The following CHM variants were observed in gnomAD, a reference collection of about 807,000 sequenced individuals.
CHM encodes the protein CHM Rab escort protein.
A neutral mutation model predicts 49.0 loss-of-function variants in CHM; 10 were observed. The observed-to-expected ratio is 0.20, with a 90% CI of 0.13 to 0.35. CHM has a LOEUF of 0.35. CHM is among the 10% of genes least tolerant of loss of function. CHM has a pLI of 1.00. For missense variants in CHM, 455 were observed against 478.4 expected (o/e 0.95, Z 0.46); for synonymous variants, 184 against 167.5 (o/e 1.10, Z -0.76).
At chrX:86,026,123 T>C (rs867332119) in intron 2 of CHM, among the ~76,000 whole-genome samples, 2 of 66,575 alleles carry the variant, frequency 3.0e-5, no homozygotes, top group African/African-American at 1.4e-4. Context: ...TTTTTTTTTT[T>C]TTTTTTTTTT....
At chrX:86,020,694 T>A (rs1214615898) in intron 2 of CHM, among the ~76,000 whole-genome samples, 1 of 99,364 alleles carries the variant, frequency 1.0e-5, no homozygotes. Context: ...ATACATCTGA[T>A]ATATACATCT....
chrX:85,964,031 G>A lies in CHM; in HGVS notation c.336C>T (p.Val112=), dbSNP rs754389594. Residue 112 remains valine, a synonymous_variant, in exon 5 of 15, where the codon GTC becomes GTT. Transcript: ENST00000357749. The part of the protein sequence containing the change: ...CYASQDLHED[V]EEAGALQKNH... ...TTTTCTGCAGTGCACCAGCTTCTTCGACATCTTCATGCAAATCCTGACTAA... is the reference window on the plus strand; with the variant it reads ...TTTTCTGCAGTGCACCAGCTTCTTCAACATCTTCATGCAAATCCTGACTAA... 8.3e-6 allele frequency: 10 copies of A among 1,206,372 alleles called. No individual in the cohort carries two copies. The highest frequency in any genetic ancestry group is 5.9e-5 in the East Asian group (2 of 33,732).
Position 85,878,960 on chromosome X carries a change from C to T in CHM, c.1609+5G>A. 8.9e-7 allele frequency: 1 copy of T among 1,120,388 alleles called. No individual in the cohort carries two copies. Among genetic ancestry groups the T allele is most frequent in the Non-Finnish European group, 1.2e-6 (1 of 815,448 alleles). 92.3% of individuals were successfully genotyped at this position (1,120,388 alleles called of 1,213,427 possible). On this transcript the variant is annotated splice_donor_5th_base_variant and intron_variant, in intron 13 of 14. Transcript: ENST00000357749. ...CCATCATGAGTTATCAATTATTTTTCTTACCTATCTCCATTTCAGTATATG... is the reference window on the plus strand; with the variant it reads ...CCATCATGAGTTATCAATTATTTTTTTTACCTATCTCCATTTCAGTATATG...
chrX:85,879,183 T>G (rs369183085), intron 12 of CHM, 120 bp from the exon 13 acceptor site: 3 of 516,615 alleles, frequency 5.8e-6, no homozygotes. Context: ...GTTACAACAT[T>G]TGTTAACTAA....
chrX:85,930,075 C>A (rs1458795314), intron 8 of CHM, among the ~76,000 whole-genome samples: 1 of 110,269 alleles, frequency 9.1e-6, no homozygotes, highest in East Asian at 2.8e-4. Context: ...GCACTCCAGC[C>A]TGGGCGACAG....
intron 1 of CHM, among the ~76,000 whole-genome samples, chrX:86,039,410 T>A (rs1310083388): frequency 1.9e-5 from 2 of 104,968 alleles, no homozygotes; most frequent in African/African-American, 7.1e-5. Context: ...CAAAGTCAGA[T>A]CACAGAAACA....
intron 1 of CHM, among the ~76,000 whole-genome samples, chrX:86,043,944 G>C (rs1191980787): frequency 1.8e-5 from 2 of 111,460 alleles, no homozygotes; most frequent in Non-Finnish European, 3.8e-5. Flanking sequence ...CTATGCAGTA[G>C]AAAAATTAAG....
At chrX:85,933,228 T>C (rs760376200) in intron 8 of CHM, among the ~76,000 whole-genome samples, 3 of 110,561 alleles carry the variant, frequency 2.7e-5, no homozygotes, top group Non-Finnish European at 5.7e-5. Flanking sequence ...AAAAATAAAA[T>C]AAAATAAATA....
intron 4 of CHM, among the ~76,000 whole-genome samples, chrX:85,974,386 A>G (rs1373510905): frequency 3.6e-5 from 4 of 112,051 alleles, no homozygotes; most frequent in Admixed American, 9.5e-5. Flanking sequence ...TTAGACATAG[A>G]CAAGCTTATT....
Position 85,942,755 on chromosome X carries a change from CTT to C in CHM, c.1166+13396_1166+13397del, listed in dbSNP as rs71686003. Among the ~76,000 whole-genome samples the C allele has an allele frequency of 9.1e-3, 924 of 101,729 alleles. 14 individuals are homozygous for C. The highest frequency in any genetic ancestry group is 0.031 in the African/African-American group (874 of 28,116). The allele number at this position is 101,729 out of a possible 115,157, so 88.3% of individuals were successfully genotyped here. ...GGGACATGAAACAGGTCAATGTTTT[CTT>C]TTTTTTTTTTATATATATATACTTT... On this transcript the variant is annotated intron_variant, in intron 8 of 14. Transcript: ENST00000357749.
At chrX:85,952,549 A>AAT (rs1321786570) in intron 8 of CHM, among the ~76,000 whole-genome samples, 1 of 112,121 alleles carries the variant, frequency 8.9e-6, no homozygotes, top group Non-Finnish European at 1.9e-5. Context: ...TTGGCTACAA[A>AAT]ATAATCAACA....
intron 1 of CHM, among the ~76,000 whole-genome samples, chrX:86,046,890 G>A (rs1160845171): frequency 1.8e-5 from 2 of 111,406 alleles, no homozygotes; most frequent in African/African-American, 6.5e-5. Context: ...CATAAAGCAG[G>A]AATAATGGCT....
intron 14 of CHM, among the ~76,000 whole-genome samples, chrX:85,868,168 A>G (rs1271458820): frequency 9.0e-6 from 1 of 111,434 alleles, no homozygotes; most frequent in Non-Finnish European, 1.9e-5. Flanking sequence ...AAATAAGCCA[A>G]GCACAGAAAG....
At position 85,934,891 on chromosome X, in the gene CHM, G is replaced by C. The variant is rs368873145; in HGVS notation, c.1166+21262C>G. On this transcript the variant is annotated intron_variant, in intron 8 of 14. Coordinates refer to ENST00000357749, the MANE Select transcript of CHM (RefSeq NM_000390.4). The stretch of plus-strand genomic sequence containing the variant: ...TTGATCATCAAACTGTTTACATACA[G>C]AGTAGGAGGTAAAAACATTAAAATT... 1.3e-4 allele frequency among the ~76,000 whole-genome samples: 14 copies of C among 111,694 alleles called. No homozygotes were observed. The East Asian group carries it at 3.9e-3, about 31-fold the overall frequency.
chrX:86,000,872 A>G (rs1159938122), intron 2 of CHM, among the ~76,000 whole-genome samples: 2 of 111,822 alleles, frequency 1.8e-5, no homozygotes, highest in African/African-American at 6.5e-5. Context: ...GGCATGAAGT[A>G]AAGTTGGTAA....
At chrX:86,013,818 T>G (rs192173769) in intron 2 of CHM, among the ~76,000 whole-genome samples, 1 of 110,438 alleles carries the variant, frequency 9.1e-6, no homozygotes, top group African/African-American at 3.3e-5. Context: ...CAAACAGAAC[T>G]TCTAGAAGCC....
chrX:85,947,375 A>G (rs1929473380), intron 8 of CHM, among the ~76,000 whole-genome samples: 2 of 111,886 alleles, frequency 1.8e-5, no homozygotes, highest in Non-Finnish European at 3.8e-5. Context: ...TGCTGCCCTC[A>G]TGATAATGAG....
chrX:86,020,902 T>C (rs1933519433), intron 2 of CHM, among the ~76,000 whole-genome samples: 1 of 100,469 alleles, frequency 1.0e-5, no homozygotes, highest in Non-Finnish European at 2.0e-5. Context: ...ATATGATAGA[T>C]ACATACATCT....
intron 1 of CHM, among the ~76,000 whole-genome samples, chrX:86,035,747 T>C (rs941941311): frequency 4.3e-4 from 47 of 108,645 alleles, no homozygotes; most frequent in African/African-American, 1.6e-3. Context: ...GATGGTGAAA[T>C]GAGAGAAACA....
Sources: gnomAD v4.1 joint callset for allele counts (sites outside exome capture counted in the v4.1 genomes callset) on GRCh38, gnomAD v4.1.1 for gene constraint, MANE v1.5 for transcripts, NCBI Gene and HGNC (gene_info 2026-07-23, HGNC 2026-07-21) for gene names.